CATSPERE: variants seen among roughly 807,000 people sequenced by gnomAD.
CATSPERE encodes cation channel sperm-associated auxiliary subunit epsilon.
A neutral mutation model predicts 114.1 loss-of-function variants in CATSPERE; 93 were observed. That is an observed-to-expected ratio of 0.81 (90% confidence interval 0.69 to 0.97). The LOEUF is 0.97. CATSPERE is among the 50% of genes least tolerant of loss of function. The pLI, the probability that CATSPERE is intolerant of heterozygous loss-of-function variation, is 0.00. For missense variants in CATSPERE, 1,058 were observed against 1,131.6 expected (o/e 0.93, Z 0.93); for synonymous variants, 341 against 384.1 (o/e 0.89, Z 1.31).
At position 244,518,713 on chromosome 1, in the gene CATSPERE, T is replaced by C; in HGVS notation, c.536+15T>C. The stretch of plus-strand genomic sequence containing the variant: ...ATGAGAAGGGGGTATTTAATTTTTT[T>C]TAATTTTAAATATAGAAATATGAAA... On this transcript the variant is annotated intron_variant, in intron 8 of 21. Transcript: ENST00000366534. The C allele has an allele frequency of 7.5e-7, 1 of 1,327,956 alleles. No individual in the cohort carries two copies. Among genetic ancestry groups the C allele is most frequent in the Non-Finnish European group, 1.0e-6 (1 of 959,534 alleles). The allele number at this position is 1,327,956 out of a possible 1,614,324, so 82.3% of individuals were successfully genotyped here. A position where few individuals can be genotyped will look rare whatever the true frequency, so the allele number is the denominator to read the frequency against.
intron 3 of CATSPERE, 80 bp downstream of exon 3, chr1:244,477,694 C>T: frequency 1.9e-6 from 2 of 1,077,948 alleles, no homozygotes; most frequent in South Asian, 1.4e-5. Context: ...AGATTCAAGG[C>T]TGTGATTTAA....
intron 8 of CATSPERE, among the ~76,000 whole-genome samples, chr1:244,527,907 T>C (rs1046440156): frequency 3.9e-5 from 6 of 152,158 alleles, no homozygotes; most frequent in African/African-American, 1.4e-4. Flanking sequence ...CTGGCCAATT[T>C]TTCCACTTTC....
chr1:244,476,641 G>T (rs990224733), intron 2 of CATSPERE, among the ~76,000 whole-genome samples: 1 of 152,102 alleles, frequency 6.6e-6, no homozygotes, highest in Non-Finnish European at 1.5e-5. Context: ...TATTATGTAT[G>T]TGTATATAAT....
chr1:244,587,581 C>T (rs993562162), intron 13 of CATSPERE, among the ~76,000 whole-genome samples: 5 of 152,252 alleles, frequency 3.3e-5, no homozygotes, highest in East Asian at 1.9e-4. Flanking sequence ...AAACAAAGCA[C>T]GTATGTGCAT....
intron 8 of CATSPERE, among the ~76,000 whole-genome samples, chr1:244,551,844 C>A (rs1453953806): frequency 6.6e-6 from 1 of 151,938 alleles, no homozygotes; most frequent in Non-Finnish European, 1.5e-5. Context: ...GCGGGCGGAT[C>A]ACGAGGTCAG....
Position 244,640,257 on chromosome 1 carries a change from C to A in CATSPERE, c.*176C>A, listed in dbSNP as rs528954658. ...ACTATCTCCAAAATAGAAATGTTTT[C>A]ATATATATTGTTATTAAATTAATCC... On this transcript the variant is annotated 3_prime_UTR_variant, in exon 22 of 22. Coordinates refer to ENST00000366534, the MANE Select transcript of CATSPERE (RefSeq NM_001130957.2). 158 of 499,032 alleles carry A rather than the reference C, an allele frequency of 3.2e-4. No homozygotes were observed. Among genetic ancestry groups the A allele is most frequent in the Middle Eastern group, 1.1e-3 (2 of 1,848 alleles). The allele number at this position is 499,032 out of a possible 1,614,324, so 30.9% of individuals were successfully genotyped here.
At chr1:244,615,389 A>G (rs1671247631) in intron 19 of CATSPERE, among the ~76,000 whole-genome samples, 2 of 152,086 alleles carry the variant, frequency 1.3e-5, no homozygotes, top group South Asian at 4.1e-4. Context: ...ATACAGTCAT[A>G]CATCACTTAA....
intron 20 of CATSPERE, among the ~76,000 whole-genome samples, chr1:244,626,580 A>T (rs767609889): frequency 6.6e-6 from 1 of 150,830 alleles, no homozygotes; most frequent in Non-Finnish European, 1.5e-5. Context: ...TAGTGTAGCC[A>T]CCTTCATCAA....
intron 17 of CATSPERE, among the ~76,000 whole-genome samples, chr1:244,603,052 A>G (rs933779514): frequency 1.3e-5 from 2 of 152,062 alleles, no homozygotes; most frequent in South Asian, 2.1e-4. Flanking sequence ...AATAATTTCA[A>G]TGGGGCTCTG....
intron 7 of CATSPERE, among the ~76,000 whole-genome samples, chr1:244,499,939 G>A (rs1673761494): frequency 1.3e-5 from 2 of 152,106 alleles, no homozygotes; most frequent in South Asian, 2.1e-4. Context: ...CACAATGGTT[G>A]AACTAATTTA....
chr1:244,494,045 G>C (rs1337036850), intron 6 of CATSPERE, among the ~76,000 whole-genome samples: 1 of 152,060 alleles, frequency 6.6e-6, no homozygotes, highest in East Asian at 1.9e-4. Flanking sequence ...TCAGTGTGGC[G>C]ATTCCTCAGG....
At chr1:244,551,424 C>T (rs866878837) in intron 8 of CATSPERE, among the ~76,000 whole-genome samples, 6 of 151,986 alleles carry the variant, frequency 3.9e-5, no homozygotes, top group Admixed American at 1.3e-4. Context: ...AGTATTAACT[C>T]CAGGAAAATT....
chr1:244,616,706 C>T (rs1456460138), intron 19 of CATSPERE, among the ~76,000 whole-genome samples: 1 of 152,182 alleles, frequency 6.6e-6, no homozygotes, highest in Non-Finnish European at 1.5e-5. Flanking sequence ...CTGGTGGGAC[C>T]AATTAGACCT....
chr1:244,617,957 A>G (rs1671609186), intron 20 of CATSPERE, among the ~76,000 whole-genome samples: 1 of 152,178 alleles, frequency 6.6e-6, no homozygotes, highest in Admixed American at 6.5e-5. Flanking sequence ...CTCATCCTTC[A>G]AGGTATTTAC....
intron 20 of CATSPERE, among the ~76,000 whole-genome samples, chr1:244,629,526 T>C (rs1673648650): frequency 1.3e-5 from 2 of 149,708 alleles, no homozygotes; most frequent in South Asian, 4.3e-4. Context: ...TTTTTTTTTT[T>C]GGTAGGGACA....
At chr1:244,577,696 C>T (rs773499246) in intron 11 of CATSPERE, among the ~76,000 whole-genome samples, 35 of 152,168 alleles carry the variant, frequency 2.3e-4, no homozygotes, top group South Asian at 8.3e-4. Flanking sequence ...ACCTAATCAC[C>T]TCCCAAAGGG....
chr1:244,487,484 AG>A (rs2148203276), intron 5 of CATSPERE, among the ~76,000 whole-genome samples: 1 of 152,162 alleles, frequency 6.6e-6, no homozygotes, highest in South Asian at 2.1e-4. Flanking sequence ...TACCTGGATT[AG>A]GGGGAGGCAA....
Position 244,491,089 on chromosome 1 carries a change from G to A in CATSPERE, c.351+618G>A, listed in dbSNP as rs1445242540. ...GGAATTGAACTCAGCTCTGCACCAA[G>A]CGGACCTAATAGACATCTACAGAAC... is the stretch of plus-strand genomic sequence containing the variant. On this transcript the variant is annotated intron_variant, in intron 6 of 21. Coordinates refer to ENST00000366534, the MANE Select transcript of CATSPERE (RefSeq NM_001130957.2). Among the ~76,000 whole-genome samples the A allele has an allele frequency of 3.9e-5, 6 of 152,118 alleles. No individual in the cohort carries two copies. In the East Asian group the frequency reaches 5.8e-4, roughly 15 times the overall value.
intron 7 of CATSPERE, 57 bp downstream of exon 7, chr1:244,499,136 A>G: frequency 7.6e-7 from 1 of 1,323,398 alleles, no homozygotes; most frequent in Non-Finnish European, 1.1e-6. Flanking sequence ...TTTCTTTTGT[A>G]GGGACTGTGA....
Sources: allele counts gnomAD v4.1 joint callset (sites outside exome capture counted in the v4.1 genomes callset), GRCh38; gene constraint gnomAD v4.1.1; transcripts MANE v1.5; gene names NCBI Gene and HGNC (gene_info 2026-07-23, HGNC 2026-07-21).